Variants in GTF3A observed in about 807,000 individuals in gnomAD.
GTF3A encodes general transcription factor IIIA.
Under a neutral mutation model 37.6 loss-of-function variants are expected in GTF3A, and 40 were observed. The observed-to-expected ratio is 1.06, with a 90% CI of 0.83 to 1.38. GTF3A has a LOEUF of 1.38. GTF3A is among the 40% of genes most tolerant of loss of function. The pLI, the probability that GTF3A is intolerant of heterozygous loss-of-function variation, is 0.00. For missense variants in GTF3A, 500 were observed against 462.6 expected (o/e 1.08, Z -0.74); for synonymous variants, 191 against 166.7 (o/e 1.15, Z -1.12).
intron 1 of GTF3A, 163 bp downstream of exon 1, chr13:27,425,101 G>A (rs1187089051): frequency 1.8e-6 from 1 of 546,602 alleles, no homozygotes; most frequent in East Asian, 3.4e-5. Context: ...GAAGTTGTAG[G>A]ACCTTCGTTC....
intron 6 of GTF3A, 37 bp from the exon 7 acceptor site, chr13:27,434,768 G>A: frequency 8.0e-7 from 1 of 1,253,750 alleles, no homozygotes; most frequent in African/African-American, 1.5e-5. Context: ...GGTAATATCT[G>A]GGGAAATTTG....
In GTF3A at chr13:27,429,975, G is replaced by T; in HGVS notation, c.399+9G>T. 1 of 1,355,656 alleles carries T rather than the reference G, an allele frequency of 7.4e-7. No individual in the cohort carries two copies. Among genetic ancestry groups the T allele is most frequent in the Admixed American group, 2.6e-5 (1 of 38,554 alleles). The allele number at this position is 1,355,656 out of a possible 1,614,324, so 84.0% of individuals were successfully genotyped here. A position where few individuals can be genotyped will look rare whatever the true frequency, so the allele number is the denominator to read the frequency against. ...AACAAAAACAATATATAGTAAGTATGATTTTATATGCTTAAATTTTTTGAG... is the reference window on the plus strand; with the variant it reads ...AACAAAAACAATATATAGTAAGTATTATTTTATATGCTTAAATTTTTTGAG... On this transcript the variant is annotated intron_variant, in intron 3 of 8. Coordinates refer to ENST00000381140, the MANE Select transcript of GTF3A (RefSeq NM_002097.3).
At chr13:27,431,526 T>C (rs1263714131) in intron 4 of GTF3A, among the ~76,000 whole-genome samples, 1 of 151,874 alleles carries the variant, frequency 6.6e-6, no homozygotes, top group East Asian at 1.9e-4. Flanking sequence ...CTCAGTGAAG[T>C]AACTCAGGAA....
At chr13:27,431,564 T>A (rs2138025829) in intron 4 of GTF3A, among the ~76,000 whole-genome samples, 1 of 151,652 alleles carries the variant, frequency 6.6e-6, no homozygotes, top group Non-Finnish European at 1.5e-5. Flanking sequence ...TAGTTTTCAC[T>A]AAGTGGGCAC....
At position 27,435,435 on chromosome 13, in the gene GTF3A, C is replaced by CA; in HGVS notation, c.942dup (p.Ser315IlefsTer3). 1.2e-6 allele frequency: 2 copies of CA among 1,611,428 alleles called. No homozygotes were observed. The highest frequency in any genetic ancestry group is 1.7e-6 in the Non-Finnish European group (2 of 1,178,568). ...GTGTGTCTTCCTTATTCCCAAAGGT[C>CA]AAAAAATCTCGTGAAAAACGGAGTT... On this transcript the variant is annotated frameshift_variant, in exon 9 of 9. Coordinates refer to ENST00000381140, the MANE Select transcript of GTF3A (RefSeq NM_002097.3). LOFTEE classifies it low-confidence loss of function (END_TRUNC).
intron 4 of GTF3A, among the ~76,000 whole-genome samples, chr13:27,432,020 T>G (rs113547586): frequency 4.6e-5 from 7 of 152,382 alleles, no homozygotes; most frequent in African/African-American, 1.4e-4. Flanking sequence ...AATGTCATTA[T>G]GGAGACACTC....
In GTF3A at chr13:27,429,911, C is replaced by A; in HGVS notation, c.344C>A (p.Ser115Ter). ...TGTGATCAAAAATTCAACACAAAAT[C>A]AAACTTGAAGAAACATTTTGAACGC... The change falls in exon 3 of 9, where the codon TCA (serine) becomes TAA (stop). Residue 115 changes from serine to a stop codon, truncating the protein, a stop_gained. Coordinates refer to ENST00000381140, the MANE Select transcript of GTF3A (RefSeq NM_002097.3). LOFTEE classifies it high-confidence loss of function. 1 of 1,537,836 alleles carries A rather than the reference C, an allele frequency of 6.5e-7. No homozygotes were observed. The highest frequency in any genetic ancestry group is 1.2e-5 in the South Asian group (1 of 80,822).
intron 3 of GTF3A, 89 bp downstream of exon 3, chr13:27,430,055 C>G: frequency 1.6e-6 from 1 of 636,194 alleles, no homozygotes; most frequent in South Asian, 2.6e-5. Flanking sequence ...TGCGGTGGCT[C>G]AAGCCTATAA....
In GTF3A at chr13:27,424,696, C is replaced by T. The variant is rs1277052136; in HGVS notation, c.-42C>T. ...CCGGTTCCCGGCACGTGTCTCGGCACGTGGCAGCGCGCCTGGCCCTGGGCT... is the reference window on the plus strand; with the variant it reads ...CCGGTTCCCGGCACGTGTCTCGGCATGTGGCAGCGCGCCTGGCCCTGGGCT... On this transcript the variant is annotated 5_prime_UTR_variant, in exon 1 of 9. In the 5' UTR this introduces an upstream ATG that the reference lacks. Transcript: ENST00000381140. 7.5e-7 allele frequency: 1 copy of T among 1,334,484 alleles called. No individual in the cohort carries two copies. The highest frequency in any genetic ancestry group is 9.6e-7 in the Non-Finnish European group (1 of 1,036,932). The allele number at this position is 1,334,484 out of a possible 1,614,324, so 82.7% of individuals were successfully genotyped here.
At chr13:27,431,152 G>A (rs928311133) in intron 4 of GTF3A, among the ~76,000 whole-genome samples, 1 of 152,092 alleles carries the variant, frequency 6.6e-6, no homozygotes, top group African/African-American at 2.4e-5. Flanking sequence ...CCCAGTTTAC[G>A]TTTTTATATG....
In GTF3A at chr13:27,435,455, G is replaced by A. The variant is rs372514591; in HGVS notation, c.956G>A (p.Arg319Gln). The change falls in exon 9 of 9, where the codon CGG becomes CAG. Residue 319 changes from arginine to glutamine, a missense_variant. By Grantham distance (43) the Arg-to-Gln change is conservative. Coordinates refer to ENST00000381140, the MANE Select transcript of GTF3A (RefSeq NM_002097.3). ...AAGGTCAAAAAATCTCGTGAAAAAC[G>A]GAGTTTGGCCTCTCATCTCAGTGGA... The A allele has an allele frequency of 2.2e-4, 352 of 1,612,648 alleles. No homozygotes were observed. Among genetic ancestry groups the A allele is most frequent in the Non-Finnish European group, 2.8e-4 (336 of 1,179,298 alleles).
intron 2 of GTF3A, 36 bp downstream of exon 2, chr13:27,427,228 G>C (rs1953614202): frequency 3.0e-6 from 3 of 989,952 alleles, no homozygotes; most frequent in Non-Finnish European, 4.8e-6. Context: ...TTTGAAGTGG[G>C]TTGTGTTGGG....
chr13:27,434,532 G>A (rs1370778886), intron 6 of GTF3A: 8 of 564,384 alleles, frequency 1.4e-5, no homozygotes, highest in Non-Finnish European at 2.5e-5. Flanking sequence ...GAAGGACACT[G>A]GTCTGCTTCA....
intron 2 of GTF3A, among the ~76,000 whole-genome samples, chr13:27,427,580 C>T (rs571657904): frequency 2.0e-5 from 3 of 152,136 alleles, no homozygotes; most frequent in African/African-American, 4.8e-5. Flanking sequence ...TCTGCAAAGC[C>T]ATGAGAAAAT....
Position 27,434,952 on chromosome 13 carries a change from A to G in GTF3A, c.791A>G (p.Gln264Arg). The G allele has an allele frequency of 1.9e-6, 3 of 1,611,776 alleles. No homozygotes were observed. In the East Asian group the frequency reaches 6.7e-5, roughly 36 times the overall value. The change falls in exon 7 of 9, where the codon CAA becomes CGA. Residue 264 changes from glutamine to arginine, a missense_variant. Coordinates refer to ENST00000381140, the MANE Select transcript of GTF3A (RefSeq NM_002097.3). ...ACCTATACAACTGTGTTTAATCTCC[A>G]AAGCCATATCCTCTCCTTCCATGAG...
Position 27,435,655 on chromosome 13 carries a change from C to A in GTF3A, c.*58C>A. 3.7e-6 allele frequency: 6 copies of A among 1,611,934 alleles called. No homozygotes were observed. The highest frequency in any genetic ancestry group is 5.1e-6 in the Non-Finnish European group (6 of 1,178,278). The stretch of plus-strand genomic sequence containing the variant: ...CCAAGGAGCGAGCTTTCTCTCAGAG[C>A]ATGCTTTTCTTTATTAAAATTACTG... On this transcript the variant is annotated 3_prime_UTR_variant, in exon 9 of 9. Coordinates refer to ENST00000381140, the MANE Select transcript of GTF3A (RefSeq NM_002097.3).
intron 2 of GTF3A, among the ~76,000 whole-genome samples, chr13:27,428,109 G>T (rs531141871): frequency 8.5e-5 from 13 of 152,168 alleles, no homozygotes; most frequent in South Asian, 2.1e-4. Context: ...CTCTATTAAA[G>T]AAATAAATAA....
rs746053914 is a variant in GTF3A, at chr13:27,424,706, C to A, written c.-32C>A. The A allele has an allele frequency of 8.7e-6, 12 of 1,374,774 alleles. No individual in the cohort carries two copies. The highest frequency in any genetic ancestry group is 8.4e-6 in the Non-Finnish European group (9 of 1,066,656). The allele number at this position is 1,374,774 out of a possible 1,614,324, so 85.2% of individuals were successfully genotyped here. On this transcript the variant is annotated 5_prime_UTR_variant, in exon 1 of 9. Coordinates refer to ENST00000381140, the MANE Select transcript of GTF3A (RefSeq NM_002097.3). ...GCACGTGTCTCGGCACGTGGCAGCG[C>A]GCCTGGCCCTGGGCTTGGAGGCGCC...
At chr13:27,433,091 G>A (rs1390014116) in intron 5 of GTF3A, among the ~76,000 whole-genome samples, 1 of 151,450 alleles carries the variant, frequency 6.6e-6, no homozygotes, top group Non-Finnish European at 1.5e-5. Context: ...TGATGCTTCT[G>A]TCATTTTTAA....
Sources: allele counts gnomAD v4.1 joint callset (sites outside exome capture counted in the v4.1 genomes callset), GRCh38; gene constraint gnomAD v4.1.1; transcripts MANE v1.5; gene names NCBI Gene and HGNC (gene_info 2026-07-23, HGNC 2026-07-21).